Variants in BAZ2B observed in about 807,000 individuals in gnomAD.
BAZ2B encodes the protein bromodomain adjacent to zinc finger domain protein 2B.
Under a neutral mutation model 246.0 loss-of-function variants are expected in BAZ2B, and 91 were observed. The ratio of observed to expected loss-of-function variants is 0.37; its 90% confidence interval spans 0.31 to 0.44. The LOEUF is 0.44. BAZ2B is among the 20% of genes least tolerant of loss of function. BAZ2B has a pLI of 1.00. For missense variants in BAZ2B, 2,332 were observed against 2,533.7 expected (o/e 0.92, Z 1.71); for synonymous variants, 855 against 860.0 (o/e 0.99, Z 0.10).
chr2:159,316,279 T>C (rs2062105288), downstream of BAZ2B, among the ~76,000 whole-genome samples: 1 of 152,168 alleles, frequency 6.6e-6, no homozygotes, highest in Non-Finnish European at 1.5e-5. Context: ...AATTCCTTTT[T>C]TTGTAGAGTT....
chr2:159,578,685 C>T (rs1685957145), intron 1 of BAZ2B, among the ~76,000 whole-genome samples: 1 of 152,174 alleles, frequency 6.6e-6, no homozygotes, highest in South Asian at 2.1e-4. Flanking sequence ...GTAAAGCACT[C>T]CTCAGCAAAT....
intron 31 of BAZ2B, among the ~76,000 whole-genome samples, chr2:159,346,080 A>G (rs886380477): frequency 6.6e-6 from 1 of 152,246 alleles, no homozygotes; most frequent in Admixed American, 6.5e-5. Flanking sequence ...AAGATGCCAG[A>G]AAGATGACAA....
At chr2:159,422,029 C>G (rs1440210203) in intron 13 of BAZ2B, among the ~76,000 whole-genome samples, 1 of 152,112 alleles carries the variant, frequency 6.6e-6, no homozygotes, top group Non-Finnish European at 1.5e-5. Context: ...AGGAATATAG[C>G]TATCCAAGGA....
intron 2 of BAZ2B, among the ~76,000 whole-genome samples, chr2:159,487,723 A>G (rs1278470115): frequency 6.6e-6 from 1 of 152,078 alleles, no homozygotes; most frequent in Non-Finnish European, 1.5e-5. Context: ...GAAGCAAACA[A>G]CCAGAAGAAA....
At chr2:159,583,112 CTT>C (rs11296306) in intron 1 of BAZ2B, among the ~76,000 whole-genome samples, 20 of 137,564 alleles carry the variant, frequency 1.5e-4, no homozygotes, top group Admixed American at 2.2e-4. Context: ...TTTTTCTTTT[CTT>C]TTTTTTTTTT....
chr2:159,370,385 T>C (rs1236288125), intron 27 of BAZ2B, among the ~76,000 whole-genome samples: 1 of 143,270 alleles, frequency 7.0e-6, no homozygotes, highest in East Asian at 2.0e-4. Context: ...TACCTTTTTT[T>C]TTTTTTTTTT....
the BAZ2B span, among the ~76,000 whole-genome samples, chr2:159,633,886 C>T: frequency 3.9e-5 from 6 of 151,970 alleles, no homozygotes; most frequent in African/African-American, 1.4e-4. Context: ...ATTACCAGAA[C>T]GTACCACCAC....
Position 159,494,438 on chromosome 2 carries a change from C to T in BAZ2B, c.-2-15717G>A, listed in dbSNP as rs563227603. Reference sequence around the variant, plus strand: ...TACTACTATATAAATATATAAACTACTATTTATACATATAAGTACATTTAT... The same window carrying T: ...TACTACTATATAAATATATAAACTATTATTTATACATATAAGTACATTTAT... On this transcript the variant is annotated intron_variant, in intron 2 of 36. Transcript: ENST00000392783. 1.4e-4 allele frequency among the ~76,000 whole-genome samples: 21 copies of T among 152,258 alleles called. No homozygotes were observed. In the South Asian group the frequency reaches 4.1e-3, roughly 30 times the overall value.
the BAZ2B span, among the ~76,000 whole-genome samples, chr2:159,670,171 G>T: frequency 6.6e-6 from 1 of 151,964 alleles, no homozygotes; most frequent in African/African-American, 2.4e-5. Context: ...GGTTTTTACT[G>T]TGTTGGCCAC....
At chr2:159,618,708 T>C (rs1051660656), upstream of BAZ2B, among the ~76,000 whole-genome samples, 2 of 152,134 alleles carry the variant, frequency 1.3e-5, no homozygotes, top group South Asian at 2.1e-4. Flanking sequence ...ACTGACACTT[T>C]ACCTAATCAT....
chr2:159,645,686 A>G, the BAZ2B span, among the ~76,000 whole-genome samples: 7 of 151,932 alleles, frequency 4.6e-5, no homozygotes, highest in Admixed American at 4.6e-4. Flanking sequence ...TATTTTCTCT[A>G]AGCATCAGCC....
chr2:159,462,305 C>A (rs1422339252), intron 3 of BAZ2B: 12 of 770,914 alleles, frequency 1.6e-5, no homozygotes, highest in Non-Finnish European at 2.6e-5. Context: ...AGCAAAATAT[C>A]ACTCTTGTTT....
chr2:159,429,280 G>A lies in BAZ2B; in HGVS notation c.2195-20C>T. The A allele has an allele frequency of 8.8e-6, 13 of 1,474,524 alleles. No individual in the cohort carries two copies. The highest frequency in any genetic ancestry group is 1.2e-5 in the Non-Finnish European group (13 of 1,084,628). The allele number at this position is 1,474,524 out of a possible 1,614,324, so 91.3% of individuals were successfully genotyped here. A position where few individuals can be genotyped will look rare whatever the true frequency, so the allele number is the denominator to read the frequency against. On this transcript the variant is annotated intron_variant, in intron 10 of 36. Transcript: ENST00000392783. Reference sequence around the variant, plus strand: ...AAGTGCCTTTAAAAAAATTCAATTGGTTAATATAAAACATTCATTAATATA... The same window carrying A: ...AAGTGCCTTTAAAAAAATTCAATTGATTAATATAAAACATTCATTAATATA...
Position 159,438,337 on chromosome 2 carries a change from G to T in BAZ2B, c.1259C>A (p.Ser420Tyr). 1.2e-6 allele frequency: 2 copies of T among 1,613,856 alleles called. No individual in the cohort carries two copies. Among genetic ancestry groups the T allele is most frequent in the South Asian group, 1.1e-5 (1 of 91,012 alleles). ...KAGNKNTSEESSLLTSELRSK... is the reference protein window; with the variant it reads ...KAGNKNTSEEYSLLTSELRSK... ...TCTCAATTCACTGGTCAATAAACTA[G>T]ATTCTTCAGAGGTATTTTTATTCCC... Residue 420 changes from serine (S) to tyrosine (Y), a missense_variant, in exon 8 of 37, where the codon TCT becomes TAT. Physicochemically the swap from Ser to Tyr is moderately radical, Grantham distance 144. Around this residue, in one of 9 missense-constraint regions of BAZ2B, gnomAD observed 651 missense variants for 650.9 expected, o/e 1.00. Coordinates refer to ENST00000392783, the MANE Select transcript of BAZ2B (RefSeq NM_013450.4).
intron 1 of BAZ2B, among the ~76,000 whole-genome samples, chr2:159,584,259 C>T (rs1238820844): frequency 1.4e-4 from 22 of 151,920 alleles, no homozygotes; most frequent in Non-Finnish European, 1.5e-5. Flanking sequence ...GTAGCTGGGA[C>T]TACAAGCATG....
chr2:159,340,350 T>C (rs995099563), intron 31 of BAZ2B, among the ~76,000 whole-genome samples: 1 of 150,308 alleles, frequency 6.7e-6, no homozygotes, highest in African/African-American at 2.4e-5. Flanking sequence ...AAGGGAAAGG[T>C]GAGGAAAAAA....
chr2:159,444,098 T>C (rs572779658), intron 6 of BAZ2B: 1 of 151,716 alleles, frequency 6.6e-6, no homozygotes, highest in East Asian at 1.9e-4. Flanking sequence ...AAATGGATGG[T>C]TTCAGTCAGT....
intron 1 of BAZ2B, among the ~76,000 whole-genome samples, chr2:159,595,905 C>T (rs1239569473): frequency 6.6e-6 from 1 of 152,208 alleles, no homozygotes. Context: ...ATGTCACTTC[C>T]TTTTTCTGTC....
the BAZ2B span, among the ~76,000 whole-genome samples, chr2:159,681,520 A>G: frequency 6.6e-6 from 1 of 152,236 alleles, no homozygotes; most frequent in South Asian, 2.1e-4. Context: ...AAAAACCTTA[A>G]CAGATCTGAT....
Sources: allele counts gnomAD v4.1 joint callset (sites outside exome capture counted in the v4.1 genomes callset), GRCh38; gene constraint gnomAD v4.1.1; regional missense constraint gnomAD v4.1.1; transcripts MANE v1.5; gene names NCBI Gene and HGNC (gene_info 2026-07-23, HGNC 2026-07-21).